The following MIPOL1 variants were observed in gnomAD, a reference collection of about 807,000 sequenced individuals.
The protein encoded by MIPOL1 is mirror-image polydactyly gene 1 protein.
In MIPOL1, 57 loss-of-function variants were observed where a neutral mutation model predicts 60.9. The observed-to-expected ratio is 0.94, with a 90% CI of 0.76 to 1.17. The LOEUF is 1.17. Ranked by LOEUF, MIPOL1 falls within the 50% of genes most tolerant of loss-of-function variation. MIPOL1 has a pLI of 0.00. For synonymous variants in MIPOL1, 179 were observed against 168.8 expected, an observed-to-expected ratio of 1.06 and a Z score of -0.47; for missense variants, 551 against 511.6, an observed-to-expected ratio of 1.08 and a Z score of -0.74.
intron 12 of MIPOL1, among the ~76,000 whole-genome samples, chr14:37,544,816 C>T (rs1361514771): frequency 6.6e-6 from 1 of 152,190 alleles, no homozygotes; most frequent in Non-Finnish European, 1.5e-5. Context: ...ACAATGAGGA[C>T]ATTGCAAAAC....
intron 11 of MIPOL1, among the ~76,000 whole-genome samples, chr14:37,425,721 T>C (rs80205364): frequency 6.6e-6 from 1 of 152,148 alleles, no homozygotes; most frequent in Non-Finnish European, 1.5e-5. Flanking sequence ...CAAAAGATCA[T>C]TGAGGTAGGA....
chr14:37,325,836 C>T (rs1030053040), intron 9 of MIPOL1, among the ~76,000 whole-genome samples: 1 of 152,132 alleles, frequency 6.6e-6, no homozygotes, highest in African/African-American at 2.4e-5. Context: ...GATCTGTGAT[C>T]CCAGGCAGTA....
At chr14:37,464,981 T>C (rs1213108512) in intron 11 of MIPOL1, among the ~76,000 whole-genome samples, 1 of 152,188 alleles carries the variant, frequency 6.6e-6, no homozygotes, top group African/African-American at 2.4e-5. Context: ...GTTATCATTT[T>C]AGATTGAAGC....
intron 10 of MIPOL1, among the ~76,000 whole-genome samples, chr14:37,409,586 G>T (rs905633198): frequency 6.6e-6 from 1 of 152,134 alleles, no homozygotes; most frequent in African/African-American, 2.4e-5. Flanking sequence ...AAGAGATCAA[G>T]ACCATTCTGG....
At chr14:37,211,980 C>T (rs1412414738) in intron 1 of MIPOL1, among the ~76,000 whole-genome samples, 1 of 152,076 alleles carries the variant, frequency 6.6e-6, no homozygotes, top group Non-Finnish European at 1.5e-5. Flanking sequence ...GAAGGGAACT[C>T]ACTGCCTTGA....
At chr14:37,224,390 A>T (rs1969348185) in intron 1 of MIPOL1, among the ~76,000 whole-genome samples, 1 of 152,186 alleles carries the variant, frequency 6.6e-6, no homozygotes, top group South Asian at 2.1e-4. Flanking sequence ...ATGACCAGGC[A>T]ATTTACAAAA....
intron 11 of MIPOL1, among the ~76,000 whole-genome samples, chr14:37,496,218 G>A (rs2095126083): frequency 6.9e-6 from 1 of 144,912 alleles, no homozygotes; most frequent in East Asian, 2.1e-4. Flanking sequence ...AAAACTGGAA[G>A]CATTCCCTTT....
At chr14:37,288,119 T>C (rs938306987) in intron 7 of MIPOL1, among the ~76,000 whole-genome samples, 177 of 152,236 alleles carry the variant, frequency 1.2e-3, no homozygotes, top group Non-Finnish European at 2.4e-4. Context: ...GAGTTAAGAA[T>C]GGACTTTTAT....
At chr14:37,440,882 A>T (rs2094232896) in intron 11 of MIPOL1, among the ~76,000 whole-genome samples, 1 of 152,152 alleles carries the variant, frequency 6.6e-6, no homozygotes, top group African/African-American at 2.4e-5. Context: ...TCCCACCAAT[A>T]GTATATGAGT....
chr14:37,385,009 A>G (rs1395455618), intron 10 of MIPOL1, among the ~76,000 whole-genome samples: 1 of 152,096 alleles, frequency 6.6e-6, no homozygotes, highest in Non-Finnish European at 1.5e-5. Flanking sequence ...CTAAAAGAGA[A>G]TTACATATTT....
chr14:37,261,305 G>A (rs1016944484), intron 3 of MIPOL1, among the ~76,000 whole-genome samples: 2 of 151,834 alleles, frequency 1.3e-5, no homozygotes. Context: ...AAAAGAGAAA[G>A]TATTAGATAC....
chr14:37,204,080 C>T (rs1965708559), intron 1 of MIPOL1, among the ~76,000 whole-genome samples: 1 of 152,100 alleles, frequency 6.6e-6, no homozygotes, highest in African/African-American at 2.4e-5. Context: ...CTGCGCCCAG[C>T]CCCCTCAGGG....
chr14:37,337,585 G>T (rs2090264759), intron 9 of MIPOL1, among the ~76,000 whole-genome samples: 1 of 151,182 alleles, frequency 6.6e-6, no homozygotes, highest in South Asian at 2.1e-4. Context: ...GACCAGGCTG[G>T]TCTCGAATTC....
chr14:37,389,265 A>G (rs2093167219), intron 10 of MIPOL1, among the ~76,000 whole-genome samples: 1 of 152,144 alleles, frequency 6.6e-6, no homozygotes, highest in South Asian at 2.1e-4. Context: ...TACTGTAATA[A>G]TATGTCTTCT....
At chr14:37,199,559 C>T (rs1828788650) in intron 1 of MIPOL1, among the ~76,000 whole-genome samples, 1 of 151,596 alleles carries the variant, frequency 6.6e-6, no homozygotes, top group Non-Finnish European at 1.5e-5. Flanking sequence ...GAGTCTCGCT[C>T]TGCCGCCAAG....
intron 12 of MIPOL1, chr14:37,504,012 C>T (rs184099777): frequency 2.6e-5 from 4 of 152,092 alleles, no homozygotes; most frequent in African/African-American, 9.6e-5. Context: ...ACAAAGAAGG[C>T]CATTACATAA....
At chr14:37,273,876 G>C (rs2083462227) in intron 6 of MIPOL1, among the ~76,000 whole-genome samples, 1 of 151,524 alleles carries the variant, frequency 6.6e-6, no homozygotes, top group African/African-American at 2.4e-5. Context: ...TATATAACTA[G>C]TACTCAGTAA....
At chr14:37,246,531 G>T (rs1283839163) in intron 1 of MIPOL1, among the ~76,000 whole-genome samples, 3 of 152,084 alleles carry the variant, frequency 2.0e-5, no homozygotes, top group African/African-American at 7.2e-5. Flanking sequence ...AAATGCCCAG[G>T]AGAGGGCAGC....
chr14:37,478,537 A>G (rs895605653), intron 11 of MIPOL1, among the ~76,000 whole-genome samples: 1 of 152,156 alleles, frequency 6.6e-6, no homozygotes, highest in African/African-American at 2.4e-5. Context: ...CCAGAAAACA[A>G]TTAGCAAAAT....
Sources: allele counts gnomAD v4.1 joint callset (sites outside exome capture counted in the v4.1 genomes callset), GRCh38; gene constraint gnomAD v4.1.1; transcripts MANE v1.5; gene names NCBI Gene and HGNC (gene_info 2026-07-23, HGNC 2026-07-21).